PPHLN1: variants seen among roughly 807,000 people sequenced by gnomAD.
The protein encoded by PPHLN1 is periphilin 1, also known as periphilin-1.
In PPHLN1, 29 loss-of-function variants were observed where a neutral mutation model predicts 51.3. The observed-to-expected ratio is 0.57, with a 90% confidence interval of 0.42 to 0.77. PPHLN1 has a LOEUF of 0.77. Ranked by LOEUF, PPHLN1 falls within the 30% of genes least tolerant of loss-of-function variation. The pLI is 0.00. For missense variants in PPHLN1, 436 were observed against 438.4 expected, an observed-to-expected ratio of 0.99 and a Z score of 0.05; for synonymous variants, 147 against 147.8, an observed-to-expected ratio of 0.99 and a Z score of 0.04.
intron 4 of PPHLN1, among the ~76,000 whole-genome samples, chr12:42,373,282 T>C (rs1228687238): frequency 6.6e-6 from 1 of 151,902 alleles, no homozygotes; most frequent in Non-Finnish European, 1.5e-5. Context: ...CCCTTGTAGT[T>C]TTAGTGACTA....
At chr12:42,424,892 CAAAA>C (rs1566005523) in intron 9 of PPHLN1, among the ~76,000 whole-genome samples, 1 of 151,492 alleles carries the variant, frequency 6.6e-6, no homozygotes. Flanking sequence ...TTACAGAAAA[CAAAA>C]AGAAAAAAAG....
chr12:42,326,567 A>G (rs2068807699), intron 1 of PPHLN1, among the ~76,000 whole-genome samples: 1 of 152,194 alleles, frequency 6.6e-6, no homozygotes, highest in Non-Finnish European at 1.5e-5. Flanking sequence ...TGGGAACTAC[A>G]AAATAAACAG....
chr12:42,408,795 T>C (rs1221871723), intron 9 of PPHLN1, among the ~76,000 whole-genome samples: 3 of 152,184 alleles, frequency 2.0e-5, no homozygotes, highest in Non-Finnish European at 2.9e-5. Context: ...CCTGGGATCT[T>C]GAAATAAGGC....
chr12:42,418,435 G>T lies in PPHLN1; in HGVS notation c.909+19441G>T, dbSNP rs1371310687. Among the ~76,000 whole-genome samples the T allele has an allele frequency of 2.0e-5, 3 of 151,968 alleles. No individual in the cohort carries two copies. In the East Asian group the frequency reaches 5.8e-4, roughly 29 times the overall value. On this transcript the variant is annotated intron_variant, in intron 9 of 9. Coordinates refer to ENST00000358314, the MANE Select transcript of PPHLN1 (RefSeq NM_201439.2). ...TGGCTTCCCTATTTGAAATCCTCCA[G>T]TGGTTTCCCATTATACTTAGAATAA...
At chr12:42,404,094 C>G (rs187589994) in intron 9 of PPHLN1, among the ~76,000 whole-genome samples, 5 of 151,224 alleles carry the variant, frequency 3.3e-5, no homozygotes, top group Admixed American at 3.3e-4. Context: ...TAAGTTCTCT[C>G]ACAGAATTGA....
intron 5 of PPHLN1, among the ~76,000 whole-genome samples, chr12:42,378,417 C>A (rs2138861196): frequency 6.6e-6 from 1 of 152,002 alleles, no homozygotes; most frequent in South Asian, 2.1e-4. Context: ...ATTGCAGCAC[C>A]TGGCTTTTTT....
intron 1 of PPHLN1, among the ~76,000 whole-genome samples, chr12:42,326,876 G>A (rs578229919): frequency 3.9e-5 from 6 of 152,144 alleles, no homozygotes; most frequent in Non-Finnish European, 8.8e-5. Context: ...ACCACTCCCT[G>A]GGAGCCTGCG....
intron 5 of PPHLN1, among the ~76,000 whole-genome samples, chr12:42,380,888 A>ATT (rs2076700180): frequency 6.6e-6 from 1 of 152,198 alleles, no homozygotes; most frequent in Non-Finnish European, 1.5e-5. Flanking sequence ...ACATCTCTTA[A>ATT]TCAACAAACA....
intron 9 of PPHLN1, among the ~76,000 whole-genome samples, chr12:42,422,901 C>A (rs1312077636): frequency 1.3e-5 from 2 of 152,108 alleles, no homozygotes; most frequent in Non-Finnish European, 2.9e-5. Context: ...AAAAAGACTT[C>A]TTGAAAACAA....
At chr12:42,406,742 A>G (rs186729549) in intron 9 of PPHLN1, among the ~76,000 whole-genome samples, 115 of 152,200 alleles carry the variant, frequency 7.6e-4, no homozygotes, top group African/African-American at 2.7e-3. Context: ...GGGGGAATAA[A>G]AGTTCTTAAT....
At chr12:42,359,420 T>A (rs77282731) in intron 4 of PPHLN1, 1 of 152,214 alleles carries the variant, frequency 6.6e-6, no homozygotes, top group Non-Finnish European at 1.5e-5. Context: ...TAACAAAACA[T>A]AATTTTTACA....
At chr12:42,349,900 C>T (rs562475102) in intron 2 of PPHLN1, among the ~76,000 whole-genome samples, 2 of 152,304 alleles carry the variant, frequency 1.3e-5, no homozygotes, top group African/African-American at 4.8e-5. Context: ...CATCATGGCC[C>T]GTCCTCAGTG....
At chr12:42,374,607 ATTTTTTTTT>A (rs35683626) in intron 4 of PPHLN1, 2 of 160,348 alleles carry the variant, frequency 1.2e-5, no homozygotes, top group South Asian at 1.8e-4. Flanking sequence ...CGCCCAGCTA[ATTTTTTTTT>A]TTTTTTTTTT....
intron 2 of PPHLN1, among the ~76,000 whole-genome samples, chr12:42,337,812 C>A (rs2070898936): frequency 7.6e-6 from 1 of 131,796 alleles, no homozygotes; most frequent in Admixed American, 8.3e-5. Context: ...GAGATGGAGT[C>A]TAACTCTCTT....
chr12:42,365,943 T>C (rs1459700432), intron 4 of PPHLN1, among the ~76,000 whole-genome samples: 1 of 152,194 alleles, frequency 6.6e-6, no homozygotes, highest in Admixed American at 6.5e-5. Context: ...GATACCTTCA[T>C]TTCCAACATA....
intron 9 of PPHLN1, among the ~76,000 whole-genome samples, chr12:42,406,601 C>T (rs2079335892): frequency 6.6e-6 from 1 of 151,956 alleles, no homozygotes. Context: ...TATTGAAATT[C>T]TTGTCCATTT....
intron 2 of PPHLN1, among the ~76,000 whole-genome samples, chr12:42,348,417 C>T (rs906707424): frequency 2.6e-5 from 4 of 151,880 alleles, no homozygotes; most frequent in South Asian, 2.1e-4. Context: ...CCACCATGCC[C>T]GGCCTTAAAC....
chr12:42,343,443 A>G (rs2071784945), intron 2 of PPHLN1, among the ~76,000 whole-genome samples: 1 of 152,200 alleles, frequency 6.6e-6, no homozygotes, highest in Admixed American at 6.5e-5. Context: ...AACTATTAAC[A>G]TTTTACTAAA....
downstream of PPHLN1, chr12:42,443,348 A>G (rs1456007700): frequency 6.6e-6 from 1 of 152,328 alleles, no homozygotes; most frequent in African/African-American, 2.4e-5. Flanking sequence ...TGAACCCATT[A>G]CTTTTTATGC....
Sources: allele counts gnomAD v4.1 joint callset (sites outside exome capture counted in the v4.1 genomes callset), GRCh38; gene constraint gnomAD v4.1.1; transcripts MANE v1.5; gene names NCBI Gene and HGNC (gene_info 2026-07-23, HGNC 2026-07-21).